APOBEC3B: variants seen among roughly 807,000 people sequenced by gnomAD.
APOBEC3B encodes the protein DNA dC->dU-editing enzyme APOBEC-3B.
In APOBEC3B, 29 loss-of-function variants were observed where a neutral mutation model predicts 53.4. The observed-to-expected ratio is 0.54, with a 90% confidence interval of 0.40 to 0.74. The LOEUF (loss-of-function observed/expected upper bound fraction) is 0.74. APOBEC3B is among the 30% of genes least tolerant of loss of function. The pLI, the probability that APOBEC3B is intolerant of heterozygous loss-of-function variation, is 0.00. For missense variants in APOBEC3B, 347 were observed against 496.2 expected, an observed-to-expected ratio of 0.70 and a Z score of 2.86; for synonymous variants, 132 against 184.8, an observed-to-expected ratio of 0.71 and a Z score of 2.32.
intron 5 of APOBEC3B, among the ~76,000 whole-genome samples, chr22:38,990,432 TC>T (rs1923948708): frequency 6.8e-6 from 1 of 147,688 alleles, no homozygotes; most frequent in Admixed American, 7.0e-5. Flanking sequence ...CCTGTCTTTG[TC>T]CCCATCACAA....
intron 1 of APOBEC3B, among the ~76,000 whole-genome samples, chr22:38,983,201 C>T (rs1399322434): frequency 6.8e-6 from 1 of 147,884 alleles, no homozygotes; most frequent in Non-Finnish European, 1.5e-5. Context: ...ATCTCTAGTC[C>T]CAGATACTCA....
At chr22:38,984,566 G>A (rs375008802) in intron 2 of APOBEC3B, among the ~76,000 whole-genome samples, 20 of 148,750 alleles carry the variant, frequency 1.3e-4, no homozygotes, top group African/African-American at 4.9e-4. Flanking sequence ...GTAAAATATA[G>A]TTATAATGGT....
rs913415983 is a variant in APOBEC3B, at chr22:38,988,469, C to T, written c.570-988C>T. ...GCCATTTTTATGTTCAGTGTCATCTCGTTCTCCCTAATATTTAGAAAAGGG... is the reference window on the plus strand; with the variant it reads ...GCCATTTTTATGTTCAGTGTCATCTTGTTCTCCCTAATATTTAGAAAAGGG... On this transcript the variant is annotated intron_variant, in intron 4 of 7. Coordinates refer to ENST00000333467, the MANE Select transcript of APOBEC3B (RefSeq NM_004900.5). Among the ~76,000 whole-genome samples, 4 of 148,814 alleles carry T rather than the reference C, an allele frequency of 2.7e-5. 1 individual carries two copies. In the South Asian group the frequency reaches 6.6e-4, roughly 25 times the overall value.
chr22:38,988,683 C>CTGTCTTTCTTTCTTTCTT (rs779025117), intron 4 of APOBEC3B, among the ~76,000 whole-genome samples: 1 of 47,512 alleles, frequency 2.1e-5, no homozygotes, highest in Non-Finnish European at 3.9e-5. Context: ...TTCTCTCTTT[C>CTGTCTTTCTTTCTTTCTT]TCTTTCTTTC....
chr22:38,986,163 A>G (rs1923730248), intron 3 of APOBEC3B, 72 bp downstream of exon 3: 1 of 1,573,926 alleles, frequency 6.4e-7, no homozygotes, highest in Non-Finnish European at 8.6e-7. Context: ...CTGCAATGCC[A>G]TGGCTGGGGG....
At chr22:38,990,621 C>T (rs575453966) in intron 5 of APOBEC3B, among the ~76,000 whole-genome samples, 1 of 148,076 alleles carries the variant, frequency 6.8e-6, no homozygotes, top group African/African-American at 2.5e-5. Flanking sequence ...TTCTCTTCCC[C>T]ACTACTTTTG....
At chr22:38,988,691 T>TCTCTCTCTCTCTCTCTCTC (rs1447601363) in intron 4 of APOBEC3B, among the ~76,000 whole-genome samples, 21 of 87,924 alleles carry the variant, frequency 2.4e-4, no homozygotes, top group South Asian at 1.1e-3. Context: ...TTCTCTTTCT[T>TCTCTCTCTCTCTCTCTCTC]TCTTTCTTTC....
In APOBEC3B at chr22:38,989,082, G is replaced by C; in HGVS notation, c.570-375G>C. 1.3e-5 allele frequency among the ~76,000 whole-genome samples: 2 copies of C among 148,338 alleles called. 1 individual carries two copies. Among genetic ancestry groups the C allele is most frequent in the Non-Finnish European group, 3.0e-5 (2 of 67,224 alleles). On this transcript the variant is annotated intron_variant, in intron 4 of 7. Coordinates refer to ENST00000333467, the MANE Select transcript of APOBEC3B (RefSeq NM_004900.5). ...TGCAGGCAGGAGGAAGCCCCAGCAG[G>C]TCCATCTCCAGCAGGGGCTGTGGGT...
intron 2 of APOBEC3B, among the ~76,000 whole-genome samples, chr22:38,984,932 C>T (rs1275486204): frequency 1.0e-4 from 13 of 126,304 alleles, no homozygotes; most frequent in East Asian, 2.8e-4. Flanking sequence ...GATGGAGTCT[C>T]GCTCTGGCAC....
intron 4 of APOBEC3B, among the ~76,000 whole-genome samples, chr22:38,986,682 C>T (rs910130765): frequency 1.3e-5 from 2 of 148,960 alleles, no homozygotes; most frequent in Non-Finnish European, 3.0e-5. Flanking sequence ...GCCTGGGACA[C>T]CAGCCGCTGC....
chr22:38,982,769 C>T (rs1334770231), intron 1 of APOBEC3B, among the ~76,000 whole-genome samples: 1 of 148,922 alleles, frequency 6.7e-6, no homozygotes, highest in Non-Finnish European at 1.5e-5. Context: ...CCTCTGTGTG[C>T]TTCCTGCCAC....
intron 1 of APOBEC3B, 28 bp from the exon 2 acceptor site, chr22:38,984,047 T>C: frequency 6.4e-7 from 1 of 1,569,048 alleles, no homozygotes; most frequent in African/African-American, 1.4e-5. Flanking sequence ...GCTCCCTGCA[T>C]GGGCCGGTTT....
intron 7 of APOBEC3B, 105 bp downstream of exon 7, chr22:38,992,254 G>A (rs1025490709): frequency 3.9e-6 from 6 of 1,542,252 alleles, no homozygotes; most frequent in Non-Finnish European, 5.2e-6. Flanking sequence ...TGGGTTCCCT[G>A]CTCCCCACAG....
chr22:38,986,255 G>A (rs777241097), intron 3 of APOBEC3B, 43 bp from the exon 4 acceptor site: 1 of 1,591,074 alleles, frequency 6.3e-7, no homozygotes, highest in South Asian at 1.1e-5. Context: ...GGACAGGCCA[G>A]GGTCAGGGGA....
rs1924059606 is a variant in APOBEC3B, at chr22:38,992,643, G to A, written c.*198G>A. The A allele has an allele frequency of 2.1e-6, 3 of 1,423,202 alleles. No individual in the cohort carries two copies. The Admixed American group carries it at 7.2e-5, about 34-fold the overall frequency. The allele number at this position is 1,423,202 out of a possible 1,614,324, so 88.2% of individuals were successfully genotyped here. On this transcript the variant is annotated 3_prime_UTR_variant, in exon 8 of 8. Coordinates refer to ENST00000333467, the MANE Select transcript of APOBEC3B (RefSeq NM_004900.5). ...AATTTTAATTGAAAATTTCTCTTAT[G>A]TTCCAAGTGTACAAGAGTAAGATTA... is the stretch of plus-strand genomic sequence containing the variant.
Position 38,986,042 on chromosome 22 carries a change from C to T in APOBEC3B, c.405C>T (p.Leu135=), listed in dbSNP as rs781000236. ...GGGAAAGAGATTACCGAAGGGCGCT[C>T]TGCAGGCTGAGTCAGGCAGGAGCCC... The part of the protein sequence containing the change: ...YYWERDYRRA[L]CRLSQAGARV... Residue 135 remains leucine, a synonymous_variant, in exon 3 of 8, where the codon CTC becomes CTT. Transcript: ENST00000333467. 2.5e-6 allele frequency: 4 copies of T among 1,592,954 alleles called. 1 individual carries two copies. The highest frequency in any genetic ancestry group is 2.3e-5 in the South Asian group (2 of 88,752).
Position 38,992,608 on chromosome 22 carries a change from A to C in APOBEC3B, c.*163A>C, listed in dbSNP as rs1924058131. On this transcript the variant is annotated 3_prime_UTR_variant, in exon 8 of 8. Transcript: ENST00000333467. ...TGATCAAGTAGATTTTTTAAAAATCAGAGTCAATTAATTTTAATTGAAAAT... is the reference window on the plus strand; with the variant it reads ...TGATCAAGTAGATTTTTTAAAAATCCGAGTCAATTAATTTTAATTGAAAAT... The C allele has an allele frequency of 1.1e-5, 16 of 1,515,480 alleles. No individual in the cohort carries two copies. Among genetic ancestry groups the C allele is most frequent in the Non-Finnish European group, 1.4e-5 (16 of 1,128,072 alleles). 93.9% of individuals were successfully genotyped at this position (1,515,480 alleles called of 1,614,324 possible). A position where few individuals can be genotyped will look rare whatever the true frequency, so the allele number is the denominator to read the frequency against.
At chr22:38,986,481 GC>G (rs1923745852) in intron 4 of APOBEC3B, 69 bp downstream of exon 4, 1 of 1,533,052 alleles carries the variant, frequency 6.5e-7, no homozygotes, top group Admixed American at 1.9e-5. Flanking sequence ...GCCTCCGTTG[GC>G]CTGGCCCTCC....
Position 38,989,379 on chromosome 22 carries a change from G to T in APOBEC3B, c.570-78G>T, listed in dbSNP as rs539114831. 1.6e-5 allele frequency: 21 copies of T among 1,343,718 alleles called. 1 individual carries two copies. Among genetic ancestry groups the T allele is most frequent in the Middle Eastern group, 2.3e-4 (1 of 4,444 alleles). The allele number at this position is 1,343,718 out of a possible 1,614,324, so 83.2% of individuals were successfully genotyped here. ...AGTATATGGGGAGCAGGGAAGGAGT[G>T]GGGGGTGCAGGAGAGGAGCGAGAGG... On this transcript the variant is annotated intron_variant, in intron 4 of 7. Transcript: ENST00000333467.
Sources: gnomAD v4.1 joint callset for allele counts (sites outside exome capture counted in the v4.1 genomes callset) on GRCh38, gnomAD v4.1.1 for gene constraint, MANE v1.5 for transcripts, NCBI Gene and HGNC (gene_info 2026-07-23, HGNC 2026-07-21) for gene names.